ERAP1: variants seen among roughly 807,000 people sequenced by gnomAD.
ERAP1 encodes endoplasmic reticulum aminopeptidase 1.
In ERAP1, 86 loss-of-function variants were observed where a neutral mutation model predicts 103.7. The ratio of observed to expected loss-of-function variants is 0.83; its 90% CI spans 0.70 to 0.99. ERAP1 has a LOEUF of 0.99. ERAP1 is among the 50% of genes least tolerant of loss of function. ERAP1 has a pLI of 0.00. For missense variants in ERAP1, 1,009 were observed against 1,128.4 expected (o/e 0.89, Z 1.52); for synonymous variants, 398 against 402.4 (o/e 0.99, Z 0.13).
chr5:96,771,778 AAGTCC>A (rs1772443644), downstream of ERAP1: 6 of 863,184 alleles, frequency 7.0e-6, no homozygotes, highest in South Asian at 1.5e-5. Flanking sequence ...GAGAGAAGTG[AAGTCC>A]ACCTCTTGAG....
chr5:96,913,930 A>T, the ERAP1 span, among the ~76,000 whole-genome samples: 83 of 152,138 alleles, frequency 5.5e-4, no homozygotes, highest in South Asian at 0.017. Flanking sequence ...ACCTTGGTTC[A>T]GGTGAAAGAA....
rs1007180881 is a variant in ERAP1 at position 96,785,928 on chromosome 5, A to G, written c.1803T>C (p.Asn601=). Residue 601 remains asparagine, a synonymous_variant, in exon 13 of 19, where the codon AAT becomes AAC. Transcript: ENST00000443439. ...LPEEVEWIKF[N]VGMNGYYIVH... is the part of the protein sequence containing the mutation. ...CAATGTAATAGCCATTCATGCCCAC[A>G]TTAAATTTGATCCATTCCACCTCTT... The G allele has an allele frequency of 6.2e-7, 1 of 1,614,196 alleles. No individual in the cohort carries two copies. The highest frequency in any genetic ancestry group is 8.5e-7 in the Non-Finnish European group (1 of 1,180,032).
At chr5:96,872,108 A>G in the ERAP1 span, among the ~76,000 whole-genome samples, 1 of 152,196 alleles carries the variant, frequency 6.6e-6, no homozygotes, top group Non-Finnish European at 1.5e-5. Context: ...AATTCTTAGA[A>G]GTATTTTTAA....
the ERAP1 span, among the ~76,000 whole-genome samples, chr5:96,911,959 G>A: frequency 6.6e-6 from 1 of 151,204 alleles, no homozygotes; most frequent in African/African-American, 2.4e-5. Context: ...GGAGGCTGAG[G>A]CGGGCGGATC....
the ERAP1 span, among the ~76,000 whole-genome samples, chr5:96,888,015 C>T: frequency 9.2e-5 from 14 of 151,824 alleles, no homozygotes; most frequent in Non-Finnish European, 1.9e-4. Flanking sequence ...ATCCCAGCTA[C>T]TCGGGAGGCT....
In ERAP1 at chr5:96,776,270, C is replaced by T. The variant is rs1301756913; in HGVS notation, c.*126G>A. 1.3e-6 allele frequency: 2 copies of T among 1,505,976 alleles called. No homozygotes were observed. Among genetic ancestry groups the T allele is most frequent in the Non-Finnish European group, 1.8e-6 (2 of 1,128,248 alleles). The allele number at this position is 1,505,976 out of a possible 1,614,324, so 93.3% of individuals were successfully genotyped here. A position where few individuals can be genotyped will look rare whatever the true frequency, so the allele number is the denominator to read the frequency against. Reference sequence around the variant, plus strand: ...CAGCTATTCTTTTCACAGGGATAGTCAAAAAATGAGTTGAAGGGAAAAAAG... The same window carrying T: ...CAGCTATTCTTTTCACAGGGATAGTTAAAAAATGAGTTGAAGGGAAAAAAG... On this transcript the variant is annotated 3_prime_UTR_variant, in exon 19 of 19. Coordinates refer to ENST00000443439, the MANE Select transcript of ERAP1 (RefSeq NM_001040458.3).
chr5:96,922,149 T>G, the ERAP1 span, among the ~76,000 whole-genome samples: 1 of 151,786 alleles, frequency 6.6e-6, no homozygotes, highest in Non-Finnish European at 1.5e-5. Context: ...ATACAAAAAA[T>G]TAGCCGGGCG....
chr5:96,806,623 CTTTTTTTTTTTT>C (rs75649816), intron 1 of ERAP1, among the ~76,000 whole-genome samples: 2 of 128,016 alleles, frequency 1.6e-5, no homozygotes, highest in African/African-American at 3.0e-5. Context: ...CAAGATCCCT[CTTTTTTTTTTTT>C]TTTTTTTTTT....
chr5:96,857,745 A>G, the ERAP1 span, among the ~76,000 whole-genome samples: 1 of 152,228 alleles, frequency 6.6e-6, no homozygotes, highest in Non-Finnish European at 1.5e-5. Flanking sequence ...AACCATAGCC[A>G]TCATAAAGGA....
chr5:96,900,335 AG>A, the ERAP1 span: 1 of 1,282,824 alleles, frequency 7.8e-7, no homozygotes, highest in Non-Finnish European at 1.0e-6. Context: ...ACAAAACTGA[AG>A]GGGAAATGCT....
chr5:96,895,668 T>C, the ERAP1 span, among the ~76,000 whole-genome samples: 94,570 of 152,032 alleles, frequency 0.62, 29,558 homozygotes, highest in South Asian at 0.73. Flanking sequence ...ACAGGAATGC[T>C]CATGGCTACT....
the ERAP1 span, chr5:96,884,020 C>A: frequency 1.2e-5 from 15 of 1,260,302 alleles, no homozygotes; most frequent in Non-Finnish European, 1.4e-5. Context: ...AGGATTTCAG[C>A]CATTAATTTG....
At chr5:96,891,528 G>GTC in the ERAP1 span, among the ~76,000 whole-genome samples, 1 of 37,170 alleles carries the variant, frequency 2.7e-5, no homozygotes. Context: ...CCCATATACG[G>GTC]TATATATACA....
At chr5:96,784,539 C>T (rs1408131185) in intron 13 of ERAP1, among the ~76,000 whole-genome samples, 1 of 152,152 alleles carries the variant, frequency 6.6e-6, no homozygotes, top group African/African-American at 2.4e-5. Context: ...TTTTCTATCA[C>T]ATATAACACA....
the ERAP1 span, among the ~76,000 whole-genome samples, chr5:96,853,157 G>A: frequency 6.6e-6 from 1 of 152,102 alleles, no homozygotes; most frequent in Non-Finnish European, 1.5e-5. Flanking sequence ...AAGGGATCAA[G>A]GCCAGAGACT....
the ERAP1 span, among the ~76,000 whole-genome samples, chr5:96,863,650 C>T: frequency 2.6e-5 from 4 of 152,110 alleles, no homozygotes; most frequent in Non-Finnish European, 2.9e-5. Context: ...CCCATGGTCA[C>T]GACTTTGCTG....
chr5:96,783,566 A>G (rs1013776964), intron 14 of ERAP1, among the ~76,000 whole-genome samples: 5 of 152,216 alleles, frequency 3.3e-5, no homozygotes, highest in Admixed American at 2.0e-4. Flanking sequence ...CATTTTGCCA[A>G]GCATAACAAT....
intron 19 of ERAP1, chr5:96,765,160 T>G: frequency 1.1e-6 from 1 of 940,048 alleles, no homozygotes; most frequent in South Asian, 1.4e-5. Flanking sequence ...GTTCCTGGGC[T>G]AATTTGCCTC....
the ERAP1 span, among the ~76,000 whole-genome samples, chr5:96,859,139 C>A: frequency 1.3e-5 from 2 of 151,290 alleles, no homozygotes; most frequent in Non-Finnish European, 2.9e-5. Context: ...CCTTTCCATG[C>A]CCCTAAGTAA....
Sources: gnomAD v4.1 joint callset for allele counts (sites outside exome capture counted in the v4.1 genomes callset) on GRCh38, gnomAD v4.1.1 for gene constraint, MANE v1.5 for transcripts, NCBI Gene and HGNC (gene_info 2026-07-23, HGNC 2026-07-21) for gene names.